The following NPHS1 variants were observed in gnomAD, a reference collection of about 807,000 sequenced individuals.
NPHS1 encodes nephrin.
A neutral mutation model predicts 139.7 loss-of-function variants in NPHS1; 107 were observed. The observed-to-expected ratio is 0.77, with a 90% CI of 0.66 to 0.90. NPHS1 has a LOEUF of 0.90. Among genes scored for constraint, NPHS1 ranks in the 40% least tolerant of loss-of-function variants. NPHS1 has a pLI of 0.00. For missense variants in NPHS1, 1,580 were observed against 1,654.2 expected (o/e 0.96, Z 0.78); for synonymous variants, 707 against 706.6 (o/e 1.00, Z -0.01).
rs755132744 is a variant in NPHS1 at position 35,849,280 on chromosome 19, C to T, written c.796G>A (p.Val266Met). 43 of 1,613,224 alleles carry T rather than the reference C, an allele frequency of 2.7e-5. No homozygotes were observed. The East Asian group carries it at 5.6e-4, about 21-fold the overall frequency. ...GCTAAGGGATTACCCCCTCGGGCCA[C>T]GCACGGCAGCTCCAAGCTCTGTCCT... The part of the protein sequence containing the change: ...RAGQSLELPC[V>M]ARGGNPLATL... Residue 266 changes from valine (V) to methionine (M), a missense_variant, in exon 7 of 29, where the codon GTG becomes ATG. Physicochemically the swap from Val to Met is conservative, Grantham distance 21. Coordinates refer to ENST00000378910, the MANE Select transcript of NPHS1 (RefSeq NM_004646.4).
intron 22 of NPHS1, among the ~76,000 whole-genome samples, chr19:35,837,383 T>C (rs1375407222): frequency 6.6e-6 from 1 of 152,210 alleles, no homozygotes; most frequent in Non-Finnish European, 1.5e-5. Context: ...CTGTTATTGG[T>C]AACTTGTATT....
In NPHS1 at chr19:35,846,196, T is replaced by A; in HGVS notation, c.1441-2A>T. 1 of 1,582,990 alleles carries A rather than the reference T, an allele frequency of 6.3e-7. No homozygotes were observed. The highest frequency in any genetic ancestry group is 8.6e-7 in the Non-Finnish European group (1 of 1,167,724). ...CGACTCGGTCACGGTGCGCGAGTCC[T>A]ACGGGCCGGGAGTGACTGGGGTTCG... is the stretch of plus-strand genomic sequence containing the variant. On this transcript the variant is annotated splice_acceptor_variant, in intron 11 of 28. Transcript: ENST00000378910. LOFTEE classifies it high-confidence loss of function.
At position 35,842,160 on chromosome 19, in the gene NPHS1, G is replaced by C. The variant is rs370458453; in HGVS notation, c.2627C>G (p.Thr876Arg). The change falls in exon 19 of 29, where the codon ACA (threonine) becomes AGA (arginine). Residue 876 changes from threonine (T) to arginine (R), a missense_variant. Physicochemically the swap from Thr to Arg is moderately conservative, Grantham distance 71. Transcript: ENST00000378910. ...RGVPNIVFTW[T>R]KNGVPLDLQD... is the part of the protein sequence containing the mutation. Reference sequence around the variant, plus strand: ...GAGATCCAGAGGGACCCCGTTTTTTGTCCAAGTGAAAACGATGTTGGGGAC... The same window carrying C: ...GAGATCCAGAGGGACCCCGTTTTTTCTCCAAGTGAAAACGATGTTGGGGAC... 4.4e-6 allele frequency: 7 copies of C among 1,608,780 alleles called. No homozygotes were observed. Among genetic ancestry groups the C allele is most frequent in the Non-Finnish European group, 5.9e-6 (7 of 1,178,134 alleles).
intron 11 of NPHS1, among the ~76,000 whole-genome samples, chr19:35,847,287 C>T (rs1394575986): frequency 2.0e-5 from 3 of 150,928 alleles, no homozygotes; most frequent in African/African-American, 7.3e-5. Flanking sequence ...CCTCGTGATC[C>T]GCCCGCCTCA....
At chr19:35,831,853 T>A in intron 23 of NPHS1, 91 bp from the exon 24 acceptor site, 1 of 1,368,714 alleles carries the variant, frequency 7.3e-7, no homozygotes, top group Non-Finnish European at 1.0e-6. Flanking sequence ...CCTGACCAAG[T>A]CCCTCCCCCA....
Position 35,851,032 on chromosome 19 carries a change from G to A in NPHS1, c.455C>T (p.Ala152Val). The change falls in exon 4 of 29, where the codon GCT becomes GTT. Residue 152 changes from alanine to valine, a missense_variant. Ala to Val is a moderately conservative substitution (Grantham distance 64). Coordinates refer to ENST00000378910, the MANE Select transcript of NPHS1 (RefSeq NM_004646.4). ...PEAGTMVTWV[A>V]GQEYVVNCVS... is the part of the protein sequence containing the mutation. ...ACAGTTGACCACGTACTCCTGCCCA[G>A]CTACCCAGGTGACCATGGTGCCTGC... 1 of 1,614,204 alleles carries A rather than the reference G, an allele frequency of 6.2e-7. No individual in the cohort carries two copies. Among genetic ancestry groups the A allele is most frequent in the Non-Finnish European group, 8.5e-7 (1 of 1,180,036 alleles).
rs1427039985 is a variant in NPHS1, at chr19:35,849,338, C to A, written c.738G>T (p.Glu246Asp). The change falls in exon 7 of 29, where the codon GAG becomes GAT. Residue 246 changes from glutamate to aspartate, a missense_variant. By Grantham distance (45) the Glu-to-Asp change is conservative. Coordinates refer to ENST00000378910, the MANE Select transcript of NPHS1 (RefSeq NM_004646.4). ...CGTGCCCCTCATCCAGGCCTGGCCA[C>A]TCGATGACAGGGGGTCCTGGAGGGA... Reference protein sequence around the residue: ...VLFPPGPPVIEWPGLDEGHVR... With the variant: ...VLFPPGPPVIDWPGLDEGHVR... 2 of 1,612,628 alleles carry A rather than the reference C, an allele frequency of 1.2e-6. No individual in the cohort carries two copies. Among genetic ancestry groups the A allele is most frequent in the African/African-American group, 2.7e-5 (2 of 74,906 alleles).
At position 35,851,585 on chromosome 19, in the gene NPHS1, A is replaced by G. The variant is rs1973263497; in HGVS notation, c.146T>C (p.Val49Ala). 1 of 1,613,776 alleles carries G rather than the reference A, an allele frequency of 6.2e-7. No homozygotes were observed. Among genetic ancestry groups the G allele is most frequent in the Non-Finnish European group, 8.5e-7 (1 of 1,179,960 alleles). The change falls in exon 2 of 29, where the codon GTG becomes GCG. Residue 49 changes from valine (V) to alanine (A), a missense_variant. Coordinates refer to ENST00000378910, the MANE Select transcript of NPHS1 (RefSeq NM_004646.4). The part of the protein sequence containing the change: ...ENLTVVEGAS[V>A]ELRCGVSTPG... ...GGTGCTGACCCCACAACGCAGCTCC[A>G]CTGAGGCCCCCTCCACCACCGTCAG... is the stretch of plus-strand genomic sequence containing the variant.
In NPHS1 at chr19:35,845,390, G is replaced by A. The variant is rs34761059; in HGVS notation, c.1908C>T (p.Ser636=). ...HSAELRETVS[S]FYRLNVLYRP... is the part of the protein sequence containing the mutation. Reference sequence around the variant, plus strand: ...TACACAGTACGTTGAGGCGATAGAAGGAGCTCACGGTTTCGCGGAGCTCGG... The same window carrying A: ...TACACAGTACGTTGAGGCGATAGAAAGAGCTCACGGTTTCGCGGAGCTCGG... Residue 636 remains serine (S), a synonymous_variant, in exon 14 of 29, where the codon TCC becomes TCT. Transcript: ENST00000378910. This position sits in a 1 kb window ranked among gnomAD's most constrained non-coding sequence, Gnocchi z 5.5. 1,198 of 1,614,252 alleles carry A rather than the reference G, an allele frequency of 7.4e-4. 9 individuals are homozygous for A. The African/African-American group carries it at 0.015, about 20-fold the overall frequency.
At chr19:35,832,191 G>A (rs991855886) in intron 23 of NPHS1, among the ~76,000 whole-genome samples, 1 of 152,188 alleles carries the variant, frequency 6.6e-6, no homozygotes, top group Non-Finnish European at 1.5e-5. Flanking sequence ...CTTTGGAATA[G>A]TTAAGTGTCT....
chr19:35,841,223 A>C (rs1029299755), intron 20 of NPHS1, among the ~76,000 whole-genome samples: 1 of 151,928 alleles, frequency 6.6e-6, no homozygotes, highest in African/African-American at 2.4e-5. Flanking sequence ...AAATACAAAA[A>C]TTAGCTGGGT....
At chr19:35,831,587 C>CCTG in intron 24 of NPHS1, 56 bp downstream of exon 24, 9 of 1,612,040 alleles carry the variant, frequency 5.6e-6, no homozygotes, top group Non-Finnish European at 7.6e-6. Flanking sequence ...GCAGCAACCA[C>CCTG]AGGGTTCCCT....
chr19:35,843,700 G>A lies in NPHS1; in HGVS notation c.2213-107C>T, dbSNP rs7248157. ...CTTAGGGGTTCCAGGAAAGTTATGG[G>A]TGTGGACACAATCTGCCCTTAATAC... is the stretch of plus-strand genomic sequence containing the variant. On this transcript the variant is annotated intron_variant, in intron 16 of 28. Transcript: ENST00000378910. 21,315 of 1,431,168 alleles carry A rather than the reference G, an allele frequency of 0.015. 1,433 individuals carry two copies. In the East Asian group the frequency reaches 0.16, roughly 11 times the overall value. The allele number at this position is 1,431,168 out of a possible 1,614,324, so 88.7% of individuals were successfully genotyped here.
At chr19:35,831,816 G>C in intron 23 of NPHS1, 54 bp from the exon 24 acceptor site, 1 of 1,540,950 alleles carries the variant, frequency 6.5e-7, no homozygotes, top group Non-Finnish European at 8.7e-7. Flanking sequence ...TGTAGGCCAG[G>C]GGTGGGTCTC....
rs996998931 is a variant in NPHS1, at chr19:35,845,808, G to C, written c.1628-10C>G. The C allele has an allele frequency of 1.9e-6, 3 of 1,611,070 alleles. No homozygotes were observed. Among genetic ancestry groups the C allele is most frequent in the African/African-American group, 1.3e-5 (1 of 74,996 alleles). On this transcript the variant is annotated splice_polypyrimidine_tract_variant and intron_variant, in intron 12 of 28. Coordinates refer to ENST00000378910, the MANE Select transcript of NPHS1 (RefSeq NM_004646.4). The surrounding 1 kb of genome is among the most constrained non-coding windows in gnomAD (Gnocchi z 5.5). ...ACGTTAGTTGGGGGAACTGGGAGAC[G>C]GGGTTGGAGGAGCGAGACTCAGAGG...
At chr19:35,827,247 C>T (rs913803513) in intron 28 of NPHS1, among the ~76,000 whole-genome samples, 1 of 151,810 alleles carries the variant, frequency 6.6e-6, no homozygotes, top group Non-Finnish European at 1.5e-5. Context: ...TCCCAAAGTG[C>T]TGGGATTATA....
intron 11 of NPHS1, among the ~76,000 whole-genome samples, chr19:35,847,002 G>A (rs1282696395): frequency 1.3e-5 from 2 of 152,040 alleles, no homozygotes; most frequent in African/African-American, 2.4e-5. Flanking sequence ...ATGAATTTCC[G>A]ATAGTCTGTG....
intron 28 of NPHS1, among the ~76,000 whole-genome samples, chr19:35,829,500 G>A (rs140650523): frequency 0.024 from 3,691 of 151,874 alleles, 144 homozygotes; most frequent in African/African-American, 0.085. Flanking sequence ...CTGAGTAGCT[G>A]AGACCACAGG....
At chr19:35,844,031 C>T in intron 16 of NPHS1, 72 bp downstream of exon 16, 3 of 1,572,044 alleles carry the variant, frequency 1.9e-6, no homozygotes, top group Middle Eastern at 2.3e-4. Flanking sequence ...GGCGGAGCTC[C>T]CACAATGAGG....
Sources: allele counts gnomAD v4.1 joint callset (sites outside exome capture counted in the v4.1 genomes callset), GRCh38; gene constraint gnomAD v4.1.1; non-coding constraint Gnocchi (gnomAD v3.1); transcripts MANE v1.5; gene names NCBI Gene and HGNC (gene_info 2026-07-23, HGNC 2026-07-21).